Variants in UGT2B7 observed in about 807,000 individuals in gnomAD.
UGT2B7 encodes UDP glucuronosyltransferase family 2 member B7.
Under a neutral mutation model 51.9 loss-of-function variants are expected in UGT2B7, and 51 were observed. The ratio of observed to expected loss-of-function variants is 0.98; its 90% CI spans 0.78 to 1.24. The LOEUF (loss-of-function observed/expected upper bound fraction) is 1.24. Ranked by LOEUF, UGT2B7 falls within the 50% of genes most tolerant of loss-of-function variation. The probability of loss-of-function intolerance (pLI) is 0.00; values close to 1 mark genes in which losing one functional copy is unlikely to be tolerated. For missense variants in UGT2B7, 727 were observed against 628.4 expected (o/e 1.16, Z -1.68); for synonymous variants, 225 against 211.6 (o/e 1.06, Z -0.55).
chr4:69,112,317 C>T (rs1719796348), intron 5 of UGT2B7, 140 bp from the exon 6 acceptor site: 1 of 1,234,510 alleles, frequency 8.1e-7, no homozygotes, highest in African/African-American at 1.5e-5. Flanking sequence ...GAATTGCTCA[C>T]TCAGGGAGTT....
At chr4:69,080,596 T>C (rs1718814432) in intron 1 of UGT2B7, among the ~76,000 whole-genome samples, 3 of 151,860 alleles carry the variant, frequency 2.0e-5, no homozygotes. Context: ...CCAAATTTGC[T>C]TGTGGTTCTC....
At chr4:69,096,104 T>G (rs1485059827), upstream of UGT2B7, among the ~76,000 whole-genome samples, 1 of 152,214 alleles carries the variant, frequency 6.6e-6, no homozygotes, top group Admixed American at 6.5e-5. Context: ...GTATGATATT[T>G]AAATTACATG....
chr4:69,079,396 A>G (rs1718786226), intron 1 of UGT2B7, among the ~76,000 whole-genome samples: 1 of 152,204 alleles, frequency 6.6e-6, no homozygotes, highest in African/African-American at 2.4e-5. Flanking sequence ...CCAGGAGTTA[A>G]AGGGTCCAGC....
exon 1 of UGT2B7, chr4:69,051,479 G>A (rs1338072289): frequency 6.6e-6 from 1 of 152,468 alleles, no homozygotes; most frequent in Admixed American, 6.5e-5. Context: ...GCCCTCCTGG[G>A]TAGGAAATTG....
intron 2 of UGT2B7, among the ~76,000 whole-genome samples, chr4:69,090,820 G>C (rs1380862946): frequency 1.3e-5 from 2 of 152,118 alleles, no homozygotes; most frequent in South Asian, 4.1e-4. Context: ...CGACACAGTT[G>C]CTTGCTAAAG....
chr4:69,100,392 CAT>C (rs754033108), intron 2 of UGT2B7, among the ~76,000 whole-genome samples: 2 of 152,128 alleles, frequency 1.3e-5, no homozygotes, highest in East Asian at 3.9e-4. Context: ...ACTTTTAAGA[CAT>C]ATGTACAAAG....
chr4:69,084,808 T>C (rs1180360874), intron 1 of UGT2B7, among the ~76,000 whole-genome samples: 1 of 152,176 alleles, frequency 6.6e-6, no homozygotes, highest in Non-Finnish European at 1.5e-5. Context: ...CATTCTTTCT[T>C]ATAAATGCAT....
intron 5 of UGT2B7, 59 bp downstream of exon 5, chr4:69,108,381 G>C: frequency 1.3e-6 from 2 of 1,572,140 alleles, no homozygotes; most frequent in Admixed American, 3.4e-5. Flanking sequence ...CTTGTCAATA[G>C]TGAGTGTGAG....
chr4:69,053,381 A>G (rs1306034243), intron 1 of UGT2B7, among the ~76,000 whole-genome samples: 1 of 152,230 alleles, frequency 6.6e-6, no homozygotes, highest in Non-Finnish European at 1.5e-5. Context: ...AACTTTGGCA[A>G]TTAAGACAGC....
In UGT2B7 at chr4:69,064,102, GAAAGAAAGAAAA is replaced by G. The variant is rs1560499777; in HGVS notation, c.-159+12502_-159+12513del. 3.6e-3 allele frequency among the ~76,000 whole-genome samples: 417 copies of G among 114,330 alleles called. 19 individuals are homozygous for G. The highest frequency in any genetic ancestry group is 0.016 in the African/African-American group (404 of 24,878). The allele number at this position is 114,330 out of a possible 152,430, so 75.0% of individuals were successfully genotyped here. On this transcript the variant is annotated intron_variant, in intron 1 of 5. Transcript: ENST00000502942. The stretch of plus-strand genomic sequence containing the variant: ...AAAGAAAGAAAGAAAGAAAGAGAAA[GAAAGAAAGAAAA>G]AGAAAGAAAGAAAGAAAGAAAGAAA...
Position 69,108,242 on chromosome 4 carries a change from A to T in UGT2B7, c.1230A>T (p.Gly410=), listed in dbSNP as rs528028669. Reference sequence around the variant, plus strand: ...ACATTGCTCACATGAAGGCCAGGGGAGCAGCTGTTAGAGTGGACTTCAACA... The same window carrying T: ...ACATTGCTCACATGAAGGCCAGGGGTGCAGCTGTTAGAGTGGACTTCAACA... ...PDNIAHMKAR[G]AAVRVDFNTM... The change falls in exon 5 of 6, where the codon GGA becomes GGT. Residue 410 remains glycine, a synonymous_variant. Coordinates refer to ENST00000305231, the MANE Select transcript of UGT2B7 (RefSeq NM_001074.4). 5.5e-5 allele frequency: 88 copies of T among 1,613,728 alleles called. No individual in the cohort carries two copies. The South Asian group carries it at 9.4e-4, about 17-fold the overall frequency.
chr4:69,095,688 T>C (rs1719204452), upstream of UGT2B7, among the ~76,000 whole-genome samples: 1 of 152,234 alleles, frequency 6.6e-6, no homozygotes, highest in Admixed American at 6.5e-5. Flanking sequence ...TCTCTTTTTC[T>C]TTCTTTATCT....
At chr4:69,067,623 C>G (rs1314897600) in intron 1 of UGT2B7, 1 of 153,076 alleles carries the variant, frequency 6.5e-6, no homozygotes, top group Non-Finnish European at 1.5e-5. Context: ...TGGCCCTACA[C>G]AAATGTAAAT....
intron 3 of UGT2B7, among the ~76,000 whole-genome samples, chr4:69,104,652 A>G (rs1719539219): frequency 6.6e-6 from 1 of 152,134 alleles, no homozygotes; most frequent in Non-Finnish European, 1.5e-5. Flanking sequence ...TTATTCAAGA[A>G]ATGTAGGTGA....
rs547979452 is a variant in UGT2B7 at position 69,108,268 on chromosome 4, C to A, written c.1256C>A (p.Thr419Lys). Reference sequence around the variant, plus strand: ...GCAGCTGTTAGAGTGGACTTCAACACAATGTCGAGTACAGACTTGCTGAAT... The same window carrying A: ...GCAGCTGTTAGAGTGGACTTCAACAAAATGTCGAGTACAGACTTGCTGAAT... ...RGAAVRVDFN[T>K]MSSTDLLNAL... The change falls in exon 5 of 6, where the codon ACA becomes AAA. Residue 419 changes from threonine to lysine, a missense_variant. Physicochemically the swap from Thr to Lys is moderately conservative, Grantham distance 78 (BLOSUM62 -1). Coordinates refer to ENST00000305231, the MANE Select transcript of UGT2B7 (RefSeq NM_001074.4). 9.5e-4 allele frequency: 1,529 copies of A among 1,613,626 alleles called. 35 individuals are homozygous for A. The South Asian group carries it at 0.016, about 17-fold the overall frequency.
In UGT2B7 at chr4:69,098,591, T is replaced by C. The variant is rs1394944777; in HGVS notation, c.773T>C (p.Ile258Thr). Residue 258 changes from isoleucine to threonine, a missense_variant, in exon 2 of 6, where the codon ATT (isoleucine) becomes ACT (threonine). By Grantham distance (89) the Ile-to-Thr change is moderately conservative. Transcript: ENST00000305231. ...ETMGKADVWL[I>T]RNSWNFQFPY... ...ATGGGGAAAGCTGACGTATGGCTTA[T>C]TCGAAACTCCTGGAATTTTCAGTTT... 1 of 1,612,610 alleles carries C rather than the reference T, an allele frequency of 6.2e-7. No individual in the cohort carries two copies. Among genetic ancestry groups the C allele is most frequent in the East Asian group, 2.2e-5 (1 of 44,810 alleles).
At position 69,102,855 on chromosome 4, in the gene UGT2B7, T is replaced by C. The variant is rs1375871711; in HGVS notation, c.919T>C (p.Phe307Leu). The C allele has an allele frequency of 6.2e-7, 1 of 1,613,660 alleles. No individual in the cohort carries two copies. Among genetic ancestry groups the C allele is most frequent in the South Asian group, 1.1e-5 (1 of 91,074 alleles). The change falls in exon 3 of 6, where the codon TTT (phenylalanine) becomes CTT (leucine). Residue 307 changes from phenylalanine (F) to leucine (L), a missense_variant. By Grantham distance (22) the Phe-to-Leu change is conservative (BLOSUM62 0). Transcript: ENST00000305231. ...QSSGENGVVV[F>L]SLGSMVSNMT... ...CTCTGGAGAAAATGGTGTTGTGGTG[T>C]TTTCTCTGGGGTCAATGGTCAGTAA... is the stretch of plus-strand genomic sequence containing the variant.
intron 1 of UGT2B7, among the ~76,000 whole-genome samples, chr4:69,086,836 C>A (rs958967306): frequency 1.3e-5 from 2 of 151,664 alleles, no homozygotes; most frequent in South Asian, 2.1e-4. Context: ...TATTTCTTTT[C>A]TTTTAGTCTG....
chr4:69,076,230 C>A (rs1334314561), intron 1 of UGT2B7, among the ~76,000 whole-genome samples: 1 of 152,124 alleles, frequency 6.6e-6, no homozygotes, highest in South Asian at 2.1e-4. Context: ...AACAGTGCCA[C>A]AATAAACATA....
Sources: allele counts gnomAD v4.1 joint callset (sites outside exome capture counted in the v4.1 genomes callset), GRCh38; gene constraint gnomAD v4.1.1; transcripts MANE v1.5; gene names NCBI Gene and HGNC (gene_info 2026-07-23, HGNC 2026-07-21).